The following RALYL variants were observed in gnomAD, a reference collection of about 807,000 sequenced individuals.
The protein encoded by RALYL is RNA-binding Raly-like protein.
A neutral mutation model predicts 35.1 loss-of-function variants in RALYL; 29 were observed. The ratio of observed to expected loss-of-function variants is 0.83; its 90% CI spans 0.61 to 1.13. The LOEUF (loss-of-function observed/expected upper bound fraction) is 1.13. RALYL is among the 50% of genes most tolerant of loss of function. The pLI is 0.00. For synonymous variants in RALYL, 120 were observed against 127.6 expected, an observed-to-expected ratio of 0.94 and a Z score of 0.40; for missense variants, 359 against 360.4, an observed-to-expected ratio of 1.00 and a Z score of 0.03.
chr8:84,907,310 T>TCTCA (rs1554648390), intron 8 of RALYL, among the ~76,000 whole-genome samples: 19 of 148,042 alleles, frequency 1.3e-4, no homozygotes, highest in African/African-American at 3.8e-4. Context: ...AGATATAGCG[T>TCTCA]CACACACACA....
At chr8:84,463,428 GAAAA>G (rs1195343461) in intron 1 of RALYL, among the ~76,000 whole-genome samples, 1 of 152,002 alleles carries the variant, frequency 6.6e-6, no homozygotes. Flanking sequence ...TTCAAGTGTG[GAAAA>G]TCTCAATATG....
chr8:84,332,205 G>A (rs1390696946), intron 1 of RALYL, among the ~76,000 whole-genome samples: 5 of 152,082 alleles, frequency 3.3e-5, no homozygotes, highest in Non-Finnish European at 7.4e-5. Flanking sequence ...TTTTACTAAC[G>A]TGTCAGTCTG....
intron 4 of RALYL, among the ~76,000 whole-genome samples, chr8:84,820,076 C>A (rs1828195843): frequency 6.6e-6 from 1 of 152,072 alleles, no homozygotes; most frequent in Admixed American, 6.6e-5. Context: ...CCTGTTCAAT[C>A]ATTAAATCCA....
rs548817474 is a variant in RALYL at position 84,559,097 on chromosome 8, T to A, written c.256+29520T>A. 3.3e-5 allele frequency among the ~76,000 whole-genome samples: 5 copies of A among 151,912 alleles called. No individual in the cohort carries two copies. In the South Asian group the frequency reaches 1.0e-3, roughly 32 times the overall value. On this transcript the variant is annotated intron_variant, in intron 2 of 8. Transcript: ENST00000521268. ...TGTTTGTGTGGTTCTTCCTCTAACA[T>A]TTTTTTTAAATTACTGAGTGATATT...
At chr8:84,373,408 A>G (rs189191382) in intron 1 of RALYL, among the ~76,000 whole-genome samples, 54 of 152,064 alleles carry the variant, frequency 3.6e-4, no homozygotes, top group African/African-American at 9.4e-4. Flanking sequence ...TGATATATGG[A>G]AGGAGTCCAG....
chr8:84,718,425 T>C (rs1252834007), intron 2 of RALYL, among the ~76,000 whole-genome samples: 1 of 152,194 alleles, frequency 6.6e-6, no homozygotes, highest in Non-Finnish European at 1.5e-5. Flanking sequence ...TTAGTTGTTA[T>C]AGTAAAGACA....
intron 8 of RALYL, among the ~76,000 whole-genome samples, chr8:84,889,716 T>C (rs938835819): frequency 1.7e-4 from 26 of 152,204 alleles, no homozygotes; most frequent in Admixed American, 1.2e-3. Flanking sequence ...CAATTGAAAC[T>C]TAACATGGCC....
chr8:84,913,314 T>C lies in RALYL; in HGVS notation c.859-7580T>C, dbSNP rs140368365. 1.4e-3 allele frequency among the ~76,000 whole-genome samples: 212 copies of C among 152,164 alleles called. 1 individual carries two copies. The highest frequency in any genetic ancestry group is 4.5e-3 in the African/African-American group (188 of 41,544). On this transcript the variant is annotated intron_variant, in intron 8 of 8. Coordinates refer to ENST00000521268, the MANE Select transcript of RALYL (RefSeq NM_173848.7). Reference sequence around the variant, plus strand: ...TAACATGTGGCTTATTAGAGGAATCTGATTATAAAGGAAAAAGCCCTTCCA... The same window carrying C: ...TAACATGTGGCTTATTAGAGGAATCCGATTATAAAGGAAAAAGCCCTTCCA...
chr8:84,749,317 C>A (rs771625304), intron 2 of RALYL, among the ~76,000 whole-genome samples: 2 of 141,514 alleles, frequency 1.4e-5, no homozygotes, highest in Non-Finnish European at 1.5e-5. Context: ...GATATATTTG[C>A]TTGTACCAAT....
chr8:84,499,748 G>T (rs2134192657), intron 1 of RALYL, among the ~76,000 whole-genome samples: 1 of 152,084 alleles, frequency 6.6e-6, no homozygotes, highest in South Asian at 2.1e-4. Context: ...GTTTATAAAT[G>T]ATGTGATTAT....
intron 2 of RALYL, among the ~76,000 whole-genome samples, chr8:84,668,968 T>TCCAA (rs1832645808): frequency 6.6e-6 from 1 of 152,002 alleles, no homozygotes; most frequent in Non-Finnish European, 1.5e-5. Context: ...CATCCATCCA[T>TCCAA]CCATCCATCC....
At chr8:84,212,056 T>A (rs1477446335) in intron 1 of RALYL, among the ~76,000 whole-genome samples, 1 of 152,168 alleles carries the variant, frequency 6.6e-6, no homozygotes, top group Non-Finnish European at 1.5e-5. Context: ...AGTTCAAATT[T>A]TGTGTTCTTA....
intron 2 of RALYL, among the ~76,000 whole-genome samples, chr8:84,569,106 A>G (rs1383894358): frequency 6.6e-6 from 1 of 151,478 alleles, no homozygotes; most frequent in African/African-American, 2.4e-5. Context: ...GGTGTTTTAG[A>G]CATGAAGTCC....
chr8:84,202,358 A>G (rs1378854676), intron 1 of RALYL, among the ~76,000 whole-genome samples: 1 of 147,104 alleles, frequency 6.8e-6, no homozygotes, highest in Non-Finnish European at 1.5e-5. Flanking sequence ...TATATGATCT[A>G]TTGAAGGGAT....
chr8:84,693,745 C>A (rs762088583), intron 2 of RALYL, among the ~76,000 whole-genome samples: 9 of 151,778 alleles, frequency 5.9e-5, no homozygotes, highest in Admixed American at 6.6e-5. Flanking sequence ...AATTCAGCAA[C>A]ATTTTAAAAG....
At chr8:84,418,329 T>A (rs1563887838) in intron 1 of RALYL, among the ~76,000 whole-genome samples, 1 of 152,190 alleles carries the variant, frequency 6.6e-6, no homozygotes, top group Non-Finnish European at 1.5e-5. Context: ...AGACTTCTTA[T>A]GGAAATAAAA....
At chr8:84,831,651 T>A (rs183197664) in intron 4 of RALYL, among the ~76,000 whole-genome samples, 1 of 152,272 alleles carries the variant, frequency 6.6e-6, no homozygotes, top group Admixed American at 6.5e-5. Context: ...ATTTGACATT[T>A]AAAAAATTCA....
intron 1 of RALYL, among the ~76,000 whole-genome samples, chr8:84,497,630 G>GTTGTT (rs2056182343): frequency 8.4e-6 from 1 of 119,124 alleles, no homozygotes; most frequent in African/African-American, 3.2e-5. Flanking sequence ...TTTTTTTGTT[G>GTTGTT]TTTTTGTTTT....
At chr8:84,327,508 T>C (rs1344762965) in intron 1 of RALYL, among the ~76,000 whole-genome samples, 2 of 152,178 alleles carry the variant, frequency 1.3e-5, no homozygotes, top group Non-Finnish European at 2.9e-5. Flanking sequence ...CCATAGGCCA[T>C]ATCTGGCCTG....
Sources: gnomAD v4.1 joint callset for allele counts (sites outside exome capture counted in the v4.1 genomes callset) on GRCh38, gnomAD v4.1.1 for gene constraint, MANE v1.5 for transcripts, NCBI Gene and HGNC (gene_info 2026-07-23, HGNC 2026-07-21) for gene names.